Variants in CLSPN observed in about 807,000 individuals in gnomAD.
CLSPN encodes the protein claspin homolog.
Under a neutral mutation model 156.3 loss-of-function variants are expected in CLSPN, and 85 were observed. That is an observed-to-expected ratio of 0.54 (90% CI 0.46 to 0.65). The LOEUF is 0.65. CLSPN is among the 30% of genes least tolerant of loss of function. The pLI, the probability that CLSPN is intolerant of heterozygous loss-of-function variation, is 0.00. For synonymous variants in CLSPN, 534 were observed against 542.4 expected (o/e 0.98, Z 0.22); for missense variants, 1,407 against 1,554.9 (o/e 0.90, Z 1.60).
rs1278140976 is a variant in CLSPN at position 35,747,940 on chromosome 1, T to C, written c.2594A>G (p.Asp865Gly). The change falls in exon 14 of 25, where the codon GAT becomes GGT. Residue 865 changes from aspartate to glycine, a missense_variant. Asp to Gly is a moderately conservative substitution (Grantham distance 94). This residue lies in a region of CLSPN where 1,096 missense variants were observed against 1,193.0 expected (regional missense o/e 0.92). Transcript: ENST00000318121. ...ATCCAACAGTTGGCTCTGAGTGTCA[T>C]CTTCTAAACAGAACTGGAAGTCTCC... ...GAGDFQFCLE[D>G]DTQSQLLDAD... is the part of the protein sequence containing the mutation. The C allele has an allele frequency of 6.2e-7, 1 of 1,614,096 alleles. No homozygotes were observed. The highest frequency in any genetic ancestry group is 1.7e-5 in the Admixed American group (1 of 59,974).
In CLSPN at chr1:35,733,622, T is replaced by C; in HGVS notation, c.*2874A>G. ...GAGTTCAAAGAAAGAGGCAAAAACA[T>C]GTATCTTGAACCCATGGATAAAATG... On this transcript the variant is annotated 3_prime_UTR_variant, in exon 25 of 25. Transcript: ENST00000318121. 1 of 985,420 alleles carries C rather than the reference T, an allele frequency of 1.0e-6. No individual in the cohort carries two copies. The highest frequency in any genetic ancestry group is 4.7e-5 in the South Asian group (1 of 21,286). 61.0% of individuals were successfully genotyped at this position (985,420 alleles called of 1,614,324 possible).
rs577770700 is a variant in CLSPN, at chr1:35,750,688, C to T, written c.2028+562G>A. Reference sequence around the variant, plus strand: ...GATTACAGGCATGAGCCACCCTGCCCGGCCCAAAAAGGAAAGTTTTTTAAT... The same window carrying T: ...GATTACAGGCATGAGCCACCCTGCCTGGCCCAAAAAGGAAAGTTTTTTAAT... On this transcript the variant is annotated intron_variant, in intron 10 of 24. Transcript: ENST00000318121. 1.7e-4 allele frequency among the ~76,000 whole-genome samples: 26 copies of T among 151,924 alleles called. No individual in the cohort carries two copies. In the South Asian group the frequency reaches 4.6e-3, roughly 27 times the overall value.
chr1:35,724,951 C>G (rs1246458240), intron 24 of CLSPN, among the ~76,000 whole-genome samples: 1 of 152,194 alleles, frequency 6.6e-6, no homozygotes, highest in African/African-American at 2.4e-5. Flanking sequence ...GCCCATTCCC[C>G]TATCTTCCAT....
intron 18 of CLSPN, among the ~76,000 whole-genome samples, chr1:35,739,733 C>G (rs1641628687): frequency 6.6e-6 from 1 of 152,172 alleles, no homozygotes; most frequent in East Asian, 1.9e-4. Flanking sequence ...ATGTGATACG[C>G]ACTTAGTATG....
At chr1:35,749,367 C>T in intron 12 of CLSPN, 100 bp downstream of exon 12, 1 of 1,084,406 alleles carries the variant, frequency 9.2e-7, no homozygotes, top group Non-Finnish European at 1.4e-6. Flanking sequence ...TGGGAAGTGA[C>T]CAGATTTAAA....
In CLSPN at chr1:35,734,692, A is replaced by AG. The variant is rs1345431988; in HGVS notation, c.*1803_*1804insC. 4.1e-5 allele frequency: 34 copies of AG among 839,350 alleles called. No individual in the cohort carries two copies. The highest frequency in any genetic ancestry group is 4.3e-5 in the Non-Finnish European group (31 of 719,454). 52.0% of individuals were successfully genotyped at this position (839,350 alleles called of 1,614,324 possible). ...GCCTATGTCTCAAAAAAAAAAAAAG[A>AG]AAAGAAAAGAAAAGAAAAAGAAAAA... On this transcript the variant is annotated 3_prime_UTR_variant, in exon 25 of 25. Coordinates refer to ENST00000318121, the MANE Select transcript of CLSPN (RefSeq NM_022111.4).
intron 24 of CLSPN, among the ~76,000 whole-genome samples, chr1:35,725,821 C>A (rs1180434193): frequency 6.6e-6 from 1 of 152,152 alleles, no homozygotes. Context: ...TCGGCAGCTG[C>A]ATCCCGCCCC....
Position 35,764,731 on chromosome 1 carries a change from T to C in CLSPN, c.134-17A>G. 1 of 1,511,466 alleles carries C rather than the reference T, an allele frequency of 6.6e-7. No homozygotes were observed. Among genetic ancestry groups the C allele is most frequent in the Non-Finnish European group, 8.9e-7 (1 of 1,124,900 alleles). The allele number at this position is 1,511,466 out of a possible 1,614,324, so 93.6% of individuals were successfully genotyped here. A position where few individuals can be genotyped will look rare whatever the true frequency, so the allele number is the denominator to read the frequency against. Reference sequence around the variant, plus strand: ...CATCTGAATCTGGAGGAAACAATTTTCTTTTAATTATACCATCATTTGATC... The same window carrying C: ...CATCTGAATCTGGAGGAAACAATTTCCTTTTAATTATACCATCATTTGATC... On this transcript the variant is annotated splice_polypyrimidine_tract_variant and intron_variant, in intron 2 of 24. Transcript: ENST00000318121.
chr1:35,751,306 C>T lies in CLSPN; in HGVS notation c.1972G>A (p.Glu658Lys), dbSNP rs1642076586. 1 of 1,587,396 alleles carries T rather than the reference C, an allele frequency of 6.3e-7. No individual in the cohort carries two copies. The highest frequency in any genetic ancestry group is 1.3e-5 in the African/African-American group (1 of 74,566). The change falls in exon 10 of 25, where the codon GAA (glutamate) becomes AAA (lysine). Residue 658 changes from glutamate (E) to lysine (K), a missense_variant. Glu to Lys is a moderately conservative substitution (Grantham distance 56). Around this residue, in one of 3 missense-constraint regions of CLSPN, gnomAD observed 1,096 missense variants for 1,193.0 expected, o/e 0.92. Coordinates refer to ENST00000318121, the MANE Select transcript of CLSPN (RefSeq NM_022111.4). ...EKVEKEEKEE[E>K]LEEEEEKEEE... ...TCTTTCTCCTCCTCTTCCTCTAGTT[C>T]TTCCTCTTTCTCTTCTTTCTCTACC...
At position 35,737,376 on chromosome 1, in the gene CLSPN, T is replaced by C. The variant is rs755561116; in HGVS notation, c.3710A>G (p.Asn1237Ser). The C allele has an allele frequency of 3.1e-6, 5 of 1,614,066 alleles. No individual in the cohort carries two copies. The highest frequency in any genetic ancestry group is 4.2e-6 in the Non-Finnish European group (5 of 1,179,960). The change falls in exon 23 of 25, where the codon AAT (asparagine) becomes AGT (serine). Residue 1237 changes from asparagine (N) to serine (S), a missense_variant. Physicochemically the swap from Asn to Ser is conservative, Grantham distance 46. This residue lies in a region of CLSPN where 241 missense variants were observed against 240.5 expected (regional missense o/e 1.00). Coordinates refer to ENST00000318121, the MANE Select transcript of CLSPN (RefSeq NM_022111.4). ...VIQESKSLLR[N>S]PFEAIRPGSA... The stretch of plus-strand genomic sequence containing the variant: ...TCCTGGTCTGATGGCTTCAAAAGGA[T>C]TTCTGAGCAAAGACTTTGATTCCTG...
chr1:35,743,604 T>A, intron 16 of CLSPN, 74 bp from the exon 17 acceptor site: 2 of 1,245,060 alleles, frequency 1.6e-6, no homozygotes, highest in South Asian at 1.3e-5. Context: ...AGTTATGAAT[T>A]AAAAAAAATT....
intron 14 of CLSPN, among the ~76,000 whole-genome samples, chr1:35,747,333 T>TA (rs1285727563): frequency 3.3e-5 from 5 of 149,346 alleles, no homozygotes; most frequent in African/African-American, 4.9e-5. Flanking sequence ...AAAAAAAAAA[T>TA]AAAAAAAAAT....
At chr1:35,736,671 G>C in intron 24 of CLSPN, 65 bp from the exon 25 acceptor site, 1 of 1,530,988 alleles carries the variant, frequency 6.5e-7, no homozygotes, top group South Asian at 1.3e-5. Context: ...CCTTCAATTA[G>C]CTCTCAAGCA....
At chr1:35,730,941 C>T (rs1641302421), downstream of CLSPN, among the ~76,000 whole-genome samples, 1 of 152,044 alleles carries the variant, frequency 6.6e-6, no homozygotes, top group African/African-American at 2.4e-5. Context: ...GTGGCTCATG[C>T]CTGTAATCCC....
At chr1:35,752,156 A>T (rs953417104) in intron 9 of CLSPN, among the ~76,000 whole-genome samples, 3 of 152,208 alleles carry the variant, frequency 2.0e-5, no homozygotes, top group Non-Finnish European at 4.4e-5. Context: ...ATACCACCAT[A>T]TATCTGGCAC....
intron 10 of CLSPN, among the ~76,000 whole-genome samples, chr1:35,750,781 G>A: frequency 6.6e-6 from 1 of 152,002 alleles, no homozygotes. Context: ...AGGGCAAGAG[G>A]CCCTTCTACA....
intron 24 of CLSPN, among the ~76,000 whole-genome samples, chr1:35,723,698 G>A (rs1466647168): frequency 6.6e-6 from 1 of 152,132 alleles, no homozygotes; most frequent in Non-Finnish European, 1.5e-5. Context: ...TGTTTAGAAA[G>A]GGAAACAGAA....
intron 20 of CLSPN, 88 bp downstream of exon 20, chr1:35,739,048 C>T (rs1641592171): frequency 3.4e-6 from 5 of 1,492,316 alleles, no homozygotes; most frequent in Non-Finnish European, 4.6e-6. Flanking sequence ...ATCCACCTGC[C>T]TCTGCCTCCC....
rs752088207 is a variant in CLSPN at position 35,737,370 on chromosome 1, A to G, written c.3716T>C (p.Phe1239Ser). ...AGCACTTCCTGGTCTGATGGCTTCAAAAGGATTTCTGAGCAAAGACTTTGA... is the reference window on the plus strand; with the variant it reads ...AGCACTTCCTGGTCTGATGGCTTCAGAAGGATTTCTGAGCAAAGACTTTGA... The part of the protein sequence containing the change: ...QESKSLLRNP[F>S]EAIRPGSAQQ... Residue 1239 changes from phenylalanine to serine, a missense_variant, in exon 23 of 25, where the codon TTT becomes TCT. By Grantham distance (155) the Phe-to-Ser change is radical. This residue lies in a region of CLSPN where 241 missense variants were observed against 240.5 expected (regional missense o/e 1.00). Transcript: ENST00000318121. 1.9e-6 allele frequency: 3 copies of G among 1,614,010 alleles called. No homozygotes were observed. The highest frequency in any genetic ancestry group is 3.3e-5 in the Admixed American group (2 of 60,004).
Sources: allele counts gnomAD v4.1 joint callset (sites outside exome capture counted in the v4.1 genomes callset), GRCh38; gene constraint gnomAD v4.1.1; regional missense constraint gnomAD v4.1.1; transcripts MANE v1.5; gene names NCBI Gene and HGNC (gene_info 2026-07-23, HGNC 2026-07-21).